Variants in CNTNAP4 observed in about 807,000 individuals in gnomAD.
The protein encoded by CNTNAP4 is contactin associated protein family member 4.
Under a neutral mutation model 148.4 loss-of-function variants are expected in CNTNAP4, and 98 were observed. The observed-to-expected ratio is 0.66, with a 90% CI of 0.56 to 0.78. The LOEUF (loss-of-function observed/expected upper bound fraction) is 0.78. Ranked by LOEUF, CNTNAP4 falls within the 30% of genes least tolerant of loss-of-function variation. CNTNAP4 has a pLI of 0.00. For synonymous variants in CNTNAP4, 730 were observed against 565.1 expected (o/e 1.29, Z -4.14); for missense variants, 1,935 against 1,565.6 (o/e 1.24, Z -3.98).
At chr16:76,521,997 A>C in intron 16 of CNTNAP4, 42 bp from the exon 17 acceptor site, 2 of 1,582,056 alleles carry the variant, frequency 1.3e-6, no homozygotes, top group Non-Finnish European at 1.7e-6. Flanking sequence ...GCACTTCGCC[A>C]TAGGAACTCA....
intron 3 of CNTNAP4, among the ~76,000 whole-genome samples, chr16:76,425,043 C>G (rs1458749388): frequency 2.6e-5 from 4 of 152,034 alleles, no homozygotes; most frequent in Admixed American, 2.0e-4. Flanking sequence ...ACCTTTCTTA[C>G]CAAACCTCAG....
intron 17 of CNTNAP4, among the ~76,000 whole-genome samples, chr16:76,523,528 G>A (rs562679958): frequency 9.2e-5 from 14 of 152,166 alleles, no homozygotes; most frequent in African/African-American, 1.4e-4. Context: ...TTGCTAATTC[G>A]TTTGTAGAAG....
At chr16:76,530,085 G>A (rs528552072) in intron 17 of CNTNAP4, among the ~76,000 whole-genome samples, 11 of 151,530 alleles carry the variant, frequency 7.3e-5, no homozygotes, top group African/African-American at 2.4e-4. Context: ...TATATTTTAG[G>A]TGAGTCCTTT....
At chr16:76,412,526 C>G (rs2078835499) in intron 3 of CNTNAP4, among the ~76,000 whole-genome samples, 1 of 151,226 alleles carries the variant, frequency 6.6e-6, no homozygotes, top group Admixed American at 6.6e-5. Flanking sequence ...TATTAATTTT[C>G]TTTTGTTTTA....
At chr16:76,344,516 A>G (rs1468445832) in intron 2 of CNTNAP4, among the ~76,000 whole-genome samples, 1 of 151,418 alleles carries the variant, frequency 6.6e-6, no homozygotes, top group Non-Finnish European at 1.5e-5. Flanking sequence ...TTACAGTACT[A>G]CTACGGTGTA....
At chr16:76,465,662 C>T (rs1357661891) in intron 9 of CNTNAP4, among the ~76,000 whole-genome samples, 3 of 152,108 alleles carry the variant, frequency 2.0e-5, no homozygotes, top group Non-Finnish European at 4.4e-5. Flanking sequence ...TCTTAATTGG[C>T]TAATAAGTCA....
At chr16:76,398,927 C>G (rs530101625) in intron 3 of CNTNAP4, among the ~76,000 whole-genome samples, 2 of 151,922 alleles carry the variant, frequency 1.3e-5, no homozygotes, top group Non-Finnish European at 2.9e-5. Flanking sequence ...AATAATCCCC[C>G]CTGTGTCAAG....
intron 3 of CNTNAP4, among the ~76,000 whole-genome samples, chr16:76,364,163 G>A (rs1260420676): frequency 1.3e-5 from 2 of 149,646 alleles, no homozygotes; most frequent in Admixed American, 1.3e-4. Context: ...CTAGAACCTG[G>A]GAGGTGGAGG....
Position 76,498,449 on chromosome 16 carries a change from A to C in CNTNAP4, c.2238-118A>C, listed in dbSNP as rs1597739506. On this transcript the variant is annotated intron_variant, in intron 14 of 23. Coordinates refer to ENST00000611870, the MANE Select transcript of CNTNAP4 (RefSeq NM_033401.5). ...CATTCTGTTTTTATGTGCTCCGATGAGTGACTGGATCCATACTCTTTTGTA... is the reference window on the plus strand; with the variant it reads ...CATTCTGTTTTTATGTGCTCCGATGCGTGACTGGATCCATACTCTTTTGTA... 9 of 660,162 alleles carry C rather than the reference A, an allele frequency of 1.4e-5. No homozygotes were observed. The South Asian group carries it at 2.2e-4, about 16-fold the overall frequency. The allele number at this position is 660,162 out of a possible 1,614,324, so 40.9% of individuals were successfully genotyped here.
rs765148653 is a variant in CNTNAP4 at position 76,539,724 on chromosome 16, T to G, written c.3226T>G (p.Leu1076Val). The G allele has an allele frequency of 1.8e-5, 29 of 1,592,936 alleles. No homozygotes were observed. The highest frequency in any genetic ancestry group is 1.1e-4 in the East Asian group (5 of 43,820). ...ACAATTTTTCCCCACTCTAGGAAGT[T>G]TGCAGATCAGGTACAAGTTAAATAA... Reference protein sequence around the residue: ...LSVIIAKNGSLQIRYKLNKYQ... With the variant: ...LSVIIAKNGSVQIRYKLNKYQ... Residue 1076 changes from leucine to valine, a missense_variant, in exon 20 of 24, where the codon TTG becomes GTG. Transcript: ENST00000611870.
At position 76,357,058 on chromosome 16, in the gene CNTNAP4, AAC is replaced by A. The variant is rs58020066; in HGVS notation, c.390+1570_390+1571del. The stretch of plus-strand genomic sequence containing the variant: ...AAAAACAAACAAAACAACAAAACAA[AAC>A]ACACACACACACACACACACACCCC... On this transcript the variant is annotated intron_variant, in intron 3 of 23. Transcript: ENST00000611870. Among the ~76,000 whole-genome samples, 1,003 of 147,846 alleles carry A rather than the reference AAC, an allele frequency of 6.8e-3. 13 individuals are homozygous for A. The highest frequency in any genetic ancestry group is 0.022 in the African/African-American group (891 of 39,988).
chr16:76,381,909 A>G (rs2144703146), intron 3 of CNTNAP4, among the ~76,000 whole-genome samples: 1 of 152,136 alleles, frequency 6.6e-6, no homozygotes, highest in South Asian at 2.1e-4. Flanking sequence ...AAATACAAAA[A>G]TTAGCTGGGC....
intron 4 of CNTNAP4, among the ~76,000 whole-genome samples, chr16:76,428,595 C>T (rs551779732): frequency 6.6e-6 from 1 of 152,146 alleles, no homozygotes; most frequent in African/African-American, 2.4e-5. Flanking sequence ...CTCTATCCGA[C>T]AGAGAGATCA....
intron 21 of CNTNAP4, 53 bp downstream of exon 21, chr16:76,540,843 C>G: frequency 7.8e-7 from 1 of 1,277,380 alleles, no homozygotes; most frequent in East Asian, 2.6e-5. Flanking sequence ...GATACATAAG[C>G]ATGGATCAGA....
chr16:76,403,030 GA>G (rs1193953014), intron 3 of CNTNAP4, among the ~76,000 whole-genome samples: 2 of 149,106 alleles, frequency 1.3e-5, no homozygotes, highest in African/African-American at 2.5e-5. Context: ...TTTGGGTGAA[GA>G]AAAAAACAAC....
Position 76,298,486 on chromosome 16 carries a change from ATGTGTGTG to A in CNTNAP4, c.86-17890_86-17883del, listed in dbSNP as rs3975398. ...TGTGTGTGCACATGTGTGTACATGT[ATGTGTGTG>A]TGTGTGTGTGTGTGTGTGTGTGTGT... On this transcript the variant is annotated intron_variant, in intron 1 of 23. Transcript: ENST00000611870. 5.0e-3 allele frequency among the ~76,000 whole-genome samples: 651 copies of A among 129,470 alleles called. 4 individuals are homozygous for A. Among genetic ancestry groups the A allele is most frequent in the African/African-American group, 0.014 (465 of 32,740 alleles). 84.9% of individuals were successfully genotyped at this position (129,470 alleles called of 152,430 possible).
intron 2 of CNTNAP4, among the ~76,000 whole-genome samples, chr16:76,330,829 A>G (rs1351689856): frequency 2.0e-5 from 3 of 152,358 alleles, no homozygotes; most frequent in South Asian, 4.1e-4. Flanking sequence ...ATTCAGAAAA[A>G]TGTCATAAAT....
At chr16:76,365,567 A>G (rs1183775197) in intron 3 of CNTNAP4, among the ~76,000 whole-genome samples, 1 of 152,168 alleles carries the variant, frequency 6.6e-6, no homozygotes. Context: ...CCTGGCCAAC[A>G]TGGTGAAATC....
intron 19 of CNTNAP4, among the ~76,000 whole-genome samples, chr16:76,539,213 G>T (rs1348194810): frequency 2.0e-5 from 3 of 151,922 alleles, no homozygotes; most frequent in South Asian, 2.1e-4. Flanking sequence ...GGTAAATTTG[G>T]CTTAAAATCA....
Sources: allele counts gnomAD v4.1 joint callset (sites outside exome capture counted in the v4.1 genomes callset), GRCh38; gene constraint gnomAD v4.1.1; transcripts MANE v1.5; gene names NCBI Gene and HGNC (gene_info 2026-07-23, HGNC 2026-07-21).